The following RALGPS1 variants were observed in gnomAD, a reference collection of about 807,000 sequenced individuals.
RALGPS1 encodes ras-specific guanine nucleotide-releasing factor RalGPS1.
RALGPS1 carries 19 observed loss-of-function variants against 78.8 expected under a neutral mutation model. That is an observed-to-expected ratio of 0.24 (90% CI 0.17 to 0.35). The LOEUF (loss-of-function observed/expected upper bound fraction) is 0.35. RALGPS1 is among the 10% of genes least tolerant of loss of function. The pLI is 1.00. For synonymous variants in RALGPS1, 228 were observed against 256.3 expected (o/e 0.89, Z 1.06); for missense variants, 454 against 688.3 (o/e 0.66, Z 3.81).
At chr9:127,170,545 G>T (rs987168827) in intron 10 of RALGPS1, among the ~76,000 whole-genome samples, 2 of 152,098 alleles carry the variant, frequency 1.3e-5, no homozygotes, top group Non-Finnish European at 2.9e-5. Flanking sequence ...ATTTATTTAC[G>T]AAGCATTGGC....
intron 8 of RALGPS1, among the ~76,000 whole-genome samples, chr9:127,086,805 A>G (rs2051800041): frequency 6.6e-6 from 1 of 152,158 alleles, no homozygotes; most frequent in African/African-American, 2.4e-5. Flanking sequence ...TTGTTTTACA[A>G]GGAGACAGTT....
At chr9:126,972,446 G>T (rs2040207852) in intron 3 of RALGPS1, among the ~76,000 whole-genome samples, 2 of 152,170 alleles carry the variant, frequency 1.3e-5, no homozygotes, top group South Asian at 2.1e-4. Context: ...AGAAATGAAA[G>T]AATTGGAATA....
chr9:126,958,526 C>T (rs1240709144), intron 1 of RALGPS1, among the ~76,000 whole-genome samples: 2 of 152,168 alleles, frequency 1.3e-5, no homozygotes, highest in Non-Finnish European at 2.9e-5. Context: ...ACAGTACATT[C>T]CTTTTCATCT....
chr9:126,918,587 C>G (rs1171558964), intron 1 of RALGPS1, among the ~76,000 whole-genome samples: 3 of 151,780 alleles, frequency 2.0e-5, no homozygotes. Context: ...TCCCAAAGTG[C>G]TGAGATTACA....
intron 14 of RALGPS1, among the ~76,000 whole-genome samples, chr9:127,208,129 T>C (rs1478696977): frequency 1.3e-5 from 2 of 152,184 alleles, no homozygotes; most frequent in Non-Finnish European, 2.9e-5. Context: ...TAGAGGCAGC[T>C]GCTCTTCAGT....
intron 4 of RALGPS1, among the ~76,000 whole-genome samples, chr9:127,019,190 G>T (rs1277337854): frequency 6.6e-6 from 1 of 152,174 alleles, no homozygotes; most frequent in Non-Finnish European, 1.5e-5. Context: ...CATCTCAGGA[G>T]AGTTAAGAAA....
At chr9:127,068,021 T>G (rs2049866438) in intron 7 of RALGPS1, among the ~76,000 whole-genome samples, 2 of 152,242 alleles carry the variant, frequency 1.3e-5, no homozygotes, top group Admixed American at 1.3e-4. Flanking sequence ...TTTCTGTTCC[T>G]TTCTTTTGAG....
chr9:127,177,497 C>A (rs889303454), intron 11 of RALGPS1, among the ~76,000 whole-genome samples: 21 of 152,300 alleles, frequency 1.4e-4, no homozygotes, highest in African/African-American at 3.6e-4. Context: ...CCCTGCATTT[C>A]ACCACCATCT....
chr9:127,034,451 G>A lies in RALGPS1; in HGVS notation c.237G>A (p.Trp79Ter). 1 of 1,614,116 alleles carries A rather than the reference G, an allele frequency of 6.2e-7. No individual in the cohort carries two copies. The highest frequency in any genetic ancestry group is 8.5e-7 in the Non-Finnish European group (1 of 1,180,002). Residue 79 changes from tryptophan to a stop codon, truncating the protein, a stop_gained, in exon 5 of 19, where the codon TGG (tryptophan) becomes TGA (stop). Coordinates refer to ENST00000259351, the MANE Select transcript of RALGPS1 (RefSeq NM_014636.3). LOFTEE classifies it high-confidence loss of function. ...IQPEELASCG[W>*]SKKEKHSLAP... ...CCTAGGAACTAGCCAGCTGTGGATGGAGTAAGAAGGAGAAACACAGTCTTG... is the reference window on the plus strand; with the variant it reads ...CCTAGGAACTAGCCAGCTGTGGATGAAGTAAGAAGGAGAAACACAGTCTTG...
At chr9:127,108,267 G>A (rs1470237284) in intron 8 of RALGPS1, 2 of 1,613,892 alleles carry the variant, frequency 1.2e-6, no homozygotes, top group Non-Finnish European at 1.7e-6. Context: ...CCAGCTGGGA[G>A]AGCTCCAACG....
chr9:126,930,948 G>A (rs954685680), intron 1 of RALGPS1, among the ~76,000 whole-genome samples: 6 of 152,142 alleles, frequency 3.9e-5, no homozygotes, highest in African/African-American at 9.7e-5. Context: ...GCCACTTTAG[G>A]TTGTGCTATG....
At chr9:126,933,044 C>T (rs981347782) in intron 1 of RALGPS1, among the ~76,000 whole-genome samples, 8 of 151,766 alleles carry the variant, frequency 5.3e-5, no homozygotes, top group Admixed American at 3.3e-4. Flanking sequence ...GTGAAGCTGG[C>T]GAGGGGGCAG....
chr9:127,050,856 G>C (rs988620639), intron 6 of RALGPS1, among the ~76,000 whole-genome samples: 1 of 152,162 alleles, frequency 6.6e-6, no homozygotes, highest in African/African-American at 2.4e-5. Flanking sequence ...TGCATGTGTT[G>C]TCTTCCCACC....
chr9:127,195,241 C>T (rs755264845), intron 12 of RALGPS1, 24 bp downstream of exon 12: 15 of 1,604,230 alleles, frequency 9.4e-6, no homozygotes, highest in Admixed American at 1.7e-5. Context: ...CAAGCCCTCC[C>T]GCCGGGCTTC....
rs560175263 is a variant in RALGPS1 at position 127,189,692 on chromosome 9, C to T, written c.911-5399C>T. 2.6e-5 allele frequency among the ~76,000 whole-genome samples: 4 copies of T among 152,206 alleles called. No homozygotes were observed. In the East Asian group the frequency reaches 7.7e-4, roughly 29 times the overall value. The stretch of plus-strand genomic sequence containing the variant: ...CAAAGATGTGGGCAGAGTGTGGGGA[C>T]CCCAAAGGACAGCTCAGTACCCCAG... On this transcript the variant is annotated intron_variant, in intron 11 of 18. Transcript: ENST00000259351.
At chr9:127,100,756 T>G (rs946469408) in intron 8 of RALGPS1, among the ~76,000 whole-genome samples, 24 of 152,204 alleles carry the variant, frequency 1.6e-4, no homozygotes, top group African/African-American at 5.3e-4. Flanking sequence ...AATCCACAGA[T>G]ATGGACAGGT....
intron 4 of RALGPS1, among the ~76,000 whole-genome samples, chr9:127,004,158 T>A (rs1227920895): frequency 6.6e-6 from 1 of 152,204 alleles, no homozygotes; most frequent in Non-Finnish European, 1.5e-5. Context: ...TTCCTTTCCT[T>A]TTTTGAGATG....
intron 5 of RALGPS1, among the ~76,000 whole-genome samples, chr9:127,047,077 C>A (rs999253872): frequency 3.3e-5 from 5 of 151,546 alleles, no homozygotes; most frequent in Non-Finnish European, 5.9e-5. Flanking sequence ...AACAAATAGA[C>A]CTTTTGGAGG....
chr9:127,003,389 C>T (rs1395179837), intron 4 of RALGPS1, among the ~76,000 whole-genome samples: 1 of 151,980 alleles, frequency 6.6e-6, no homozygotes, highest in East Asian at 1.9e-4. Flanking sequence ...AAAAAGTGGG[C>T]AAAGGACATG....
Sources: gnomAD v4.1 joint callset for allele counts (sites outside exome capture counted in the v4.1 genomes callset) on GRCh38, gnomAD v4.1.1 for gene constraint, MANE v1.5 for transcripts, NCBI Gene and HGNC (gene_info 2026-07-23, HGNC 2026-07-21) for gene names.